SGO2: variants seen among roughly 807,000 people sequenced by gnomAD.
The protein encoded by SGO2 is shugoshin 2.
Under a neutral mutation model 99.5 loss-of-function variants are expected in SGO2, and 68 were observed. That is an observed-to-expected ratio of 0.68 (90% confidence interval 0.56 to 0.84). The LOEUF (loss-of-function observed/expected upper bound fraction) is 0.84. Ranked by LOEUF, SGO2 falls within the 40% of genes least tolerant of loss-of-function variation. SGO2 has a pLI of 0.00. For missense variants in SGO2, 1,350 were observed against 1,436.7 expected, an observed-to-expected ratio of 0.94 and a Z score of 0.97; for synonymous variants, 457 against 487.1, an observed-to-expected ratio of 0.94 and a Z score of 0.81.
Position 200,572,465 on chromosome 2 carries a change from A to G in SGO2, c.2119A>G (p.Lys707Glu). Residue 707 changes from lysine to glutamate, a missense_variant, in exon 7 of 9, where the codon AAA (lysine) becomes GAA (glutamate). Lys to Glu is a moderately conservative substitution (Grantham distance 56). Transcript: ENST00000357799. ...GTACCCCGTTCAGCAAAATGAATCA[A>G]AAGTTAATAAGAAGCTTAGGCAGAA... ...NMYPVQQNES[K>E]VNKKLRQKVN... The G allele has an allele frequency of 1.2e-6, 2 of 1,613,344 alleles. No homozygotes were observed. Among genetic ancestry groups the G allele is most frequent in the African/African-American group, 1.3e-5 (1 of 75,026 alleles).
At chr2:200,531,525 G>A (rs368253328) in intron 1 of SGO2, among the ~76,000 whole-genome samples, 26 of 152,202 alleles carry the variant, frequency 1.7e-4, no homozygotes, top group African/African-American at 6.3e-4. Context: ...AGGGGAGAGG[G>A]TGGTTCAAGA....
intron 8 of SGO2, chr2:200,575,973 T>C (rs936554611): frequency 7.5e-6 from 2 of 265,374 alleles, no homozygotes; most frequent in Non-Finnish European, 1.5e-5. Flanking sequence ...TCGAATTTGC[T>C]TCATGTATCC....
At chr2:200,535,738 A>C (rs959754415) in intron 3 of SGO2, among the ~76,000 whole-genome samples, 4 of 152,100 alleles carry the variant, frequency 2.6e-5, no homozygotes, top group Admixed American at 2.6e-4. Flanking sequence ...GGTGGCTGAC[A>C]AACTGTTCTC....
At chr2:200,534,933 G>A in intron 2 of SGO2, 63 bp from the exon 3 acceptor site, 1 of 1,115,050 alleles carries the variant, frequency 9.0e-7, no homozygotes, top group Non-Finnish European at 1.2e-6. Flanking sequence ...GTTTTACTAA[G>A]GAATATAAAA....
intron 5 of SGO2, among the ~76,000 whole-genome samples, chr2:200,560,700 C>T (rs1187071852): frequency 6.6e-6 from 1 of 151,986 alleles, no homozygotes; most frequent in Non-Finnish European, 1.5e-5. Context: ...GTGCTATGTT[C>T]ATAAGGGATA....
In SGO2 at chr2:200,572,915, C is replaced by T; in HGVS notation, c.2569C>T (p.Gln857Ter). 1 of 1,592,688 alleles carries T rather than the reference C, an allele frequency of 6.3e-7. No individual in the cohort carries two copies. The highest frequency in any genetic ancestry group is 8.5e-7 in the Non-Finnish European group (1 of 1,173,498). ...TAAAGAAACAATTTCTGAAAATCTA[C>T]AAGTCACAAATGAATTTCAAACAGT... The part of the protein sequence containing the change: ...KDKETISENL[Q>*]VTNEFQTVDL... Residue 857 changes from glutamine to a stop codon, truncating the protein, a stop_gained, in exon 7 of 9, where the codon CAA becomes TAA. Transcript: ENST00000357799. LOFTEE classifies it high-confidence loss of function.
At chr2:200,562,071 C>A (rs1048144416) in intron 5 of SGO2, among the ~76,000 whole-genome samples, 3 of 152,062 alleles carry the variant, frequency 2.0e-5, no homozygotes, top group African/African-American at 7.2e-5. Context: ...TTAGATCCCA[C>A]TTGTCAATTT....
intron 8 of SGO2, among the ~76,000 whole-genome samples, chr2:200,577,221 C>T (rs1475148135): frequency 6.6e-6 from 1 of 151,362 alleles, no homozygotes; most frequent in Non-Finnish European, 1.5e-5. Context: ...TTCTAGCCGT[C>T]CTAGTGGGTA....
chr2:200,562,014 C>T (rs2032990664), intron 5 of SGO2, among the ~76,000 whole-genome samples: 1 of 152,174 alleles, frequency 6.6e-6, no homozygotes, highest in African/African-American at 2.4e-5. Context: ...GTTGCCTGTT[C>T]ACTCTGATGG....
At chr2:200,538,401 C>T (rs2031800270) in intron 4 of SGO2, among the ~76,000 whole-genome samples, 1 of 152,178 alleles carries the variant, frequency 6.6e-6, no homozygotes, top group African/African-American at 2.4e-5. Flanking sequence ...TGCAGTGAAG[C>T]CTTCCCTAGC....
At chr2:200,577,646 T>C (rs2033709678) in intron 8 of SGO2, among the ~76,000 whole-genome samples, 1 of 152,068 alleles carries the variant, frequency 6.6e-6, no homozygotes. Flanking sequence ...TTGTTTCTCC[T>C]AAGCATCCTC....
intron 5 of SGO2, among the ~76,000 whole-genome samples, chr2:200,565,224 G>A (rs1404295203): frequency 1.3e-5 from 2 of 152,108 alleles, no homozygotes; most frequent in African/African-American, 2.4e-5. Flanking sequence ...AATGTTTAGC[G>A]CTTCCTTCAG....
chr2:200,573,243 A>G lies in SGO2; in HGVS notation c.2897A>G (p.Asn966Ser), dbSNP rs2033521760. The change falls in exon 7 of 9, where the codon AAC (asparagine) becomes AGC (serine). Residue 966 changes from asparagine to serine, a missense_variant. By Grantham distance (46) the Asn-to-Ser change is conservative (BLOSUM62 1). Coordinates refer to ENST00000357799, the MANE Select transcript of SGO2 (RefSeq NM_152524.6). ...ATCAATAAACACTATATGGAAGTCAACAGTAATGAAAAGGAAAGTTGTGAT... is the reference window on the plus strand; with the variant it reads ...ATCAATAAACACTATATGGAAGTCAGCAGTAATGAAAAGGAAAGTTGTGAT... The part of the protein sequence containing the change: ...DIINKHYMEV[N>S]SNEKESCDQI... The G allele has an allele frequency of 1.3e-6, 2 of 1,591,858 alleles. No individual in the cohort carries two copies. The highest frequency in any genetic ancestry group is 2.7e-5 in the African/African-American group (2 of 73,572).
rs552032429 is a variant in SGO2, at chr2:200,557,508, A to G, written c.474-12155A>G. On this transcript the variant is annotated intron_variant, in intron 5 of 8. Coordinates refer to ENST00000357799, the MANE Select transcript of SGO2 (RefSeq NM_152524.6). ...GGAAAGCGTCCTGATCCAGACCCCA[A>G]GAGAGGGTTCTTGGATCTCACACAA... Among the ~76,000 whole-genome samples the G allele has an allele frequency of 3.9e-4, 59 of 152,294 alleles. 1 individual carries two copies. In the South Asian group the frequency reaches 0.011, roughly 28 times the overall value.
At chr2:200,533,262 C>T in intron 2 of SGO2, 154 bp downstream of exon 2, 1 of 755,352 alleles carries the variant, frequency 1.3e-6, no homozygotes, top group South Asian at 2.1e-5. Context: ...CTATCTCCTT[C>T]AACTCCTGTT....
At chr2:200,547,539 G>A (rs961572106) in intron 5 of SGO2, among the ~76,000 whole-genome samples, 3 of 152,142 alleles carry the variant, frequency 2.0e-5, no homozygotes, top group African/African-American at 7.2e-5. Flanking sequence ...CTAGCATGAA[G>A]CCCAAAAGAT....
At chr2:200,552,134 A>G (rs919979825) in intron 5 of SGO2, among the ~76,000 whole-genome samples, 4 of 152,122 alleles carry the variant, frequency 2.6e-5, no homozygotes, top group Admixed American at 6.5e-5. Context: ...TAGCTATAAT[A>G]TATATTCTCT....
intron 1 of SGO2, among the ~76,000 whole-genome samples, chr2:200,529,444 A>G (rs932932258): frequency 1.3e-5 from 2 of 152,226 alleles, no homozygotes; most frequent in Non-Finnish European, 2.9e-5. Flanking sequence ...CAGACAATAA[A>G]TAAATCTATA....
At chr2:200,529,993 G>T (rs1678779884) in intron 1 of SGO2, among the ~76,000 whole-genome samples, 1 of 152,208 alleles carries the variant, frequency 6.6e-6, no homozygotes, top group African/African-American at 2.4e-5. Flanking sequence ...AAGAATGCCT[G>T]GCATATGCTC....
Sources: allele counts gnomAD v4.1 joint callset (sites outside exome capture counted in the v4.1 genomes callset), GRCh38; gene constraint gnomAD v4.1.1; transcripts MANE v1.5; gene names NCBI Gene and HGNC (gene_info 2026-07-23, HGNC 2026-07-21).